Variants in ANKS1B observed in about 807,000 individuals in gnomAD.
ANKS1B encodes the protein ankyrin repeat and sterile alpha motif domain-containing protein 1B.
Under a neutral mutation model 148.3 loss-of-function variants are expected in ANKS1B, and 36 were observed. The ratio of observed to expected loss-of-function variants is 0.24; its 90% CI spans 0.19 to 0.32. ANKS1B has a LOEUF of 0.32. ANKS1B is among the 10% of genes least tolerant of loss of function. ANKS1B has a pLI of 1.00. For missense variants in ANKS1B, 1,157 were observed against 1,542.6 expected (o/e 0.75, Z 4.19); for synonymous variants, 542 against 560.8 (o/e 0.97, Z 0.47).
At chr12:98,911,078 CT>C (rs2099786168) in intron 17 of ANKS1B, among the ~76,000 whole-genome samples, 1 of 150,496 alleles carries the variant, frequency 6.6e-6, no homozygotes, top group Non-Finnish European at 1.5e-5. Context: ...TCACCACCAT[CT>C]GGAGATAAAA....
At chr12:99,168,297 G>A (rs1331600047) in intron 14 of ANKS1B, among the ~76,000 whole-genome samples, 3 of 152,054 alleles carry the variant, frequency 2.0e-5, no homozygotes, top group Admixed American at 6.6e-5. Flanking sequence ...CGGGTGGATC[G>A]CCTGAGGTCA....
At chr12:99,063,604 G>A (rs112691364) in intron 16 of ANKS1B, among the ~76,000 whole-genome samples, 2,390 of 152,280 alleles carry the variant, frequency 0.016, 25 homozygotes, top group Non-Finnish European at 0.025. Flanking sequence ...TGGGAGGGAC[G>A]TCTCCAAAAT....
intron 8 of ANKS1B, among the ~76,000 whole-genome samples, chr12:99,707,631 T>A (rs949239296): frequency 1.1e-4 from 16 of 151,796 alleles, no homozygotes; most frequent in Non-Finnish European, 2.2e-4. Context: ...GAATAAAAGG[T>A]GATATGTGGG....
intron 17 of ANKS1B, among the ~76,000 whole-genome samples, chr12:98,852,419 G>T (rs2099534383): frequency 6.6e-6 from 1 of 152,054 alleles, no homozygotes; most frequent in Admixed American, 6.5e-5. Context: ...TTGGGAAGAT[G>T]GTGTTGCCAA....
intron 12 of ANKS1B, among the ~76,000 whole-genome samples, chr12:99,374,156 G>A (rs1321716329): frequency 6.6e-6 from 1 of 152,148 alleles, no homozygotes; most frequent in Non-Finnish European, 1.5e-5. Context: ...ATTTCCAGAA[G>A]TATAGAGGTT....
At chr12:99,378,581 G>T (rs539960615) in intron 12 of ANKS1B, among the ~76,000 whole-genome samples, 28 of 151,232 alleles carry the variant, frequency 1.9e-4, no homozygotes, top group African/African-American at 6.5e-4. Context: ...CTTGAACCTG[G>T]GAGGCGGAGG....
chr12:99,706,097 A>G (rs2055717552), intron 8 of ANKS1B, among the ~76,000 whole-genome samples: 1 of 152,132 alleles, frequency 6.6e-6, no homozygotes, highest in Admixed American at 6.5e-5. Context: ...TAATGTGTTA[A>G]AGAGATAGTC....
intron 1 of ANKS1B, among the ~76,000 whole-genome samples, chr12:99,921,846 T>C (rs1168809142): frequency 1.3e-5 from 2 of 152,128 alleles, no homozygotes; most frequent in Non-Finnish European, 1.5e-5. Flanking sequence ...ATTAGTAATA[T>C]AAAAATATGA....
chr12:99,115,017 C>T (rs764664236), intron 15 of ANKS1B, among the ~76,000 whole-genome samples: 3 of 152,166 alleles, frequency 2.0e-5, no homozygotes, highest in African/African-American at 4.8e-5. Context: ...AGCACTTACA[C>T]ACGATGGGAT....
intron 17 of ANKS1B, among the ~76,000 whole-genome samples, chr12:98,873,907 T>TG (rs1388393742): frequency 6.6e-6 from 1 of 151,724 alleles, no homozygotes; most frequent in African/African-American, 2.4e-5. Flanking sequence ...TCACATATGG[T>TG]GGGTGGGGGG....
intron 1 of ANKS1B, among the ~76,000 whole-genome samples, chr12:99,869,440 G>A (rs140833260): frequency 0.032 from 4,934 of 152,198 alleles, 238 homozygotes; most frequent in African/African-American, 0.11. Flanking sequence ...TTGGGAGGCT[G>A]AGGCAGGAGG....
chr12:99,475,221 G>C (rs902107806), intron 10 of ANKS1B, among the ~76,000 whole-genome samples: 3 of 150,344 alleles, frequency 2.0e-5, no homozygotes, highest in African/African-American at 7.3e-5. Context: ...CTCCAGCCTG[G>C]GTGACAGAGT....
chr12:99,010,370 A>G (rs1303799026), intron 17 of ANKS1B, among the ~76,000 whole-genome samples: 1 of 152,238 alleles, frequency 6.6e-6, no homozygotes, highest in Admixed American at 6.5e-5. Context: ...CACATGGCAT[A>G]GAGTAAATGC....
chr12:98,766,531 T>C (rs1037109588), intron 25 of ANKS1B, among the ~76,000 whole-genome samples: 3 of 152,256 alleles, frequency 2.0e-5, no homozygotes, highest in Non-Finnish European at 2.9e-5. Context: ...CATTTTCTTA[T>C]ATTGCCATTT....
At chr12:99,519,032 C>A (rs1339478288) in intron 9 of ANKS1B, among the ~76,000 whole-genome samples, 1 of 152,062 alleles carries the variant, frequency 6.6e-6, no homozygotes, top group Non-Finnish European at 1.5e-5. Context: ...TGTATAGTTT[C>A]CAAAATTCCT....
chr12:99,808,921 A>G (rs2067980915), intron 3 of ANKS1B, among the ~76,000 whole-genome samples: 1 of 152,128 alleles, frequency 6.6e-6, no homozygotes, highest in South Asian at 2.1e-4. Flanking sequence ...AAGGGAAAAT[A>G]TATCAATCAT....
chr12:99,345,398 G>A (rs1198412165), intron 12 of ANKS1B, among the ~76,000 whole-genome samples: 14 of 152,026 alleles, frequency 9.2e-5, no homozygotes. Context: ...GGATTCTAAT[G>A]CAAGAGATAG....
At chr12:99,943,916 T>C (rs2094985449) in intron 1 of ANKS1B, among the ~76,000 whole-genome samples, 1 of 152,092 alleles carries the variant, frequency 6.6e-6, no homozygotes, top group African/African-American at 2.4e-5. Flanking sequence ...CAACCCATCA[T>C]CTACATTAGG....
intron 14 of ANKS1B, among the ~76,000 whole-genome samples, chr12:99,183,917 A>G (rs1601488426): frequency 1.3e-5 from 2 of 152,192 alleles, no homozygotes; most frequent in East Asian, 3.8e-4. Flanking sequence ...ATTATATACA[A>G]AGGAGGTTAA....
Sources: allele counts gnomAD v4.1 joint callset (sites outside exome capture counted in the v4.1 genomes callset), GRCh38; gene constraint gnomAD v4.1.1; transcripts MANE v1.5; gene names NCBI Gene and HGNC (gene_info 2026-07-23, HGNC 2026-07-21).